The following PGPEP1 variants were observed in gnomAD, a reference collection of about 807,000 sequenced individuals.
PGPEP1 encodes pyroglutamyl-peptidase 1.
A neutral mutation model predicts 24.1 loss-of-function variants in PGPEP1; 15 were observed. That is an observed-to-expected ratio of 0.62 (90% CI 0.42 to 0.96). The LOEUF is 0.96. Among genes scored for constraint, PGPEP1 ranks in the 40% least tolerant of loss-of-function variants. The probability of loss-of-function intolerance (pLI) is 0.00; values close to 1 mark genes in which losing one functional copy is unlikely to be tolerated. For synonymous variants in PGPEP1, 122 were observed against 116.4 expected (o/e 1.05, Z -0.31); for missense variants, 242 against 273.4 (o/e 0.89, Z 0.81).
intron 2 of PGPEP1, among the ~76,000 whole-genome samples, chr19:18,354,752 A>G (rs1197673396): frequency 1.3e-5 from 2 of 152,142 alleles, no homozygotes; most frequent in East Asian, 1.9e-4. Context: ...TCCTGGGTTC[A>G]AGCGATCTTC....
chr19:18,341,258 C>G (rs1042498584), intron 1 of PGPEP1, among the ~76,000 whole-genome samples: 8 of 152,210 alleles, frequency 5.3e-5, no homozygotes, highest in Admixed American at 2.0e-4. Flanking sequence ...GGACCTCGGG[C>G]TCTCCCAGCT....
chr19:18,342,823 C>T lies in PGPEP1; in HGVS notation c.35-36C>T, dbSNP rs772112173. 6.1e-5 allele frequency: 96 copies of T among 1,574,818 alleles called. 1 individual carries two copies. Among genetic ancestry groups the T allele is most frequent in the Middle Eastern group, 1.7e-4 (1 of 5,944 alleles). ...GCCAGGGGCAGACTGGGAAGGGCCA[C>T]TCTTGGGTAATATATTGCTTTTCCT... On this transcript the variant is annotated intron_variant, in intron 1 of 4. Transcript: ENST00000269919.
chr19:18,356,973 G>A (rs1200838948), intron 3 of PGPEP1, among the ~76,000 whole-genome samples: 3 of 149,424 alleles, frequency 2.0e-5, no homozygotes, highest in African/African-American at 7.4e-5. Context: ...AGGAAGGGGA[G>A]GTTGCAGTGA....
chr19:18,353,410 G>A (rs1007152817), intron 2 of PGPEP1, among the ~76,000 whole-genome samples: 2 of 151,704 alleles, frequency 1.3e-5, no homozygotes, highest in African/African-American at 4.8e-5. Context: ...GAGTTTTGCC[G>A]TATTGGCCAG....
chr19:18,340,751 C>T, intron 1 of PGPEP1, 36 bp downstream of exon 1: 2 of 1,424,252 alleles, frequency 1.4e-6, no homozygotes, highest in South Asian at 1.5e-5. Context: ...CGGCAGCGGC[C>T]GGGGGCAGAG....
chr19:18,354,961 C>CTTTTTTTTTTTTTTTTT (rs761843314), intron 2 of PGPEP1, among the ~76,000 whole-genome samples: 1 of 94,716 alleles, frequency 1.1e-5, no homozygotes, highest in Non-Finnish European at 2.0e-5. Context: ...TAAGTCGATA[C>CTTTTTTTTTTTTTTTTT]TTTTTTTTTT....
chr19:18,364,085 T>TGGC lies in PGPEP1; in HGVS notation c.*502_*503insGGC, dbSNP rs1971438499. On this transcript the variant is annotated 3_prime_UTR_variant, in exon 5 of 5. Coordinates refer to ENST00000269919, the MANE Select transcript of PGPEP1 (RefSeq NM_017712.4). ...CCTGGGATATGGCTGGCTGGCTGGC[T>TGGC]TTCTTTCTTTCTTTCTTTCTTTCTT... is the stretch of plus-strand genomic sequence containing the variant. The TGGC allele has an allele frequency of 1.1e-5, 1 of 91,208 alleles. No individual in the cohort carries two copies. Among genetic ancestry groups the TGGC allele is most frequent in the African/African-American group, 3.5e-5 (1 of 28,236 alleles). The allele number at this position is 91,208 out of a possible 1,614,324, so 5.6% of individuals were successfully genotyped here.
chr19:18,347,853 C>T (rs34210970), intron 2 of PGPEP1, among the ~76,000 whole-genome samples: 12,878 of 152,080 alleles, frequency 0.085, 780 homozygotes, highest in Middle Eastern at 0.17. Flanking sequence ...AGGCTGGTCT[C>T]GAACTCCTGA....
rs555381996 is a variant in PGPEP1, at chr19:18,352,046, C to T, written c.88-3849C>T. On this transcript the variant is annotated intron_variant, in intron 2 of 4. Coordinates refer to ENST00000269919, the MANE Select transcript of PGPEP1 (RefSeq NM_017712.4). ...CAGCACTTTGGGAGGCCGAGATGGG[C>T]GGATCACGAGGTCAGGAGATCGAGA... is the stretch of plus-strand genomic sequence containing the variant. 2.6e-5 allele frequency among the ~76,000 whole-genome samples: 4 copies of T among 151,700 alleles called. No homozygotes were observed. In the South Asian group the frequency reaches 6.3e-4, roughly 24 times the overall value.
In PGPEP1 at chr19:18,349,029, G is replaced by T. The variant is rs1282981529; in HGVS notation, c.87+6118G>T. The T allele has an allele frequency of 5.7e-6, 5 of 880,070 alleles. No individual in the cohort carries two copies. In the East Asian group the frequency reaches 4.7e-4, roughly 83 times the overall value. 54.5% of individuals were successfully genotyped at this position (880,070 alleles called of 1,614,324 possible). A position where few individuals can be genotyped will look rare whatever the true frequency, so the allele number is the denominator to read the frequency against. On this transcript the variant is annotated intron_variant, in intron 2 of 4. Coordinates refer to ENST00000269919, the MANE Select transcript of PGPEP1 (RefSeq NM_017712.4). ...CCTTCCACCTCGGCCTCCCAAAGAA[G>T]CTGGGATTATAGGTGTGAGCCACCG...
At chr19:18,353,685 C>T (rs546604289) in intron 2 of PGPEP1, among the ~76,000 whole-genome samples, 56 of 152,152 alleles carry the variant, frequency 3.7e-4, no homozygotes, top group South Asian at 1.4e-3. Flanking sequence ...TCGTCTGCTT[C>T]CTGTCTCTAT....
chr19:18,348,633 T>A (rs1431674736), intron 2 of PGPEP1, among the ~76,000 whole-genome samples: 3 of 152,180 alleles, frequency 2.0e-5, no homozygotes, highest in African/African-American at 7.2e-5. Context: ...AGCCACACAC[T>A]TCCTTCTAGT....
In PGPEP1 at chr19:18,340,630, C is replaced by T; in HGVS notation, c.-52C>T. ...GGCCGAGAGGCTGCAGCGGCAGCAGCTGTCGCGCCAGTCGCAACAGAAGCA... is the reference window on the plus strand; with the variant it reads ...GGCCGAGAGGCTGCAGCGGCAGCAGTTGTCGCGCCAGTCGCAACAGAAGCA... On this transcript the variant is annotated 5_prime_UTR_variant, in exon 1 of 5. Transcript: ENST00000269919. The T allele has an allele frequency of 2.0e-6, 3 of 1,494,074 alleles. No individual in the cohort carries two copies. The highest frequency in any genetic ancestry group is 1.8e-6 in the Non-Finnish European group (2 of 1,121,208). The allele number at this position is 1,494,074 out of a possible 1,614,324, so 92.6% of individuals were successfully genotyped here.
At chr19:18,355,808 A>T (rs1375983297) in intron 2 of PGPEP1, 87 bp from the exon 3 acceptor site, 1 of 807,304 alleles carries the variant, frequency 1.2e-6, no homozygotes, top group Non-Finnish European at 2.2e-6. Flanking sequence ...AGTCTGGAGA[A>T]CGCCTGTTTG....
chr19:18,349,602 T>C (rs1273167550), intron 2 of PGPEP1, among the ~76,000 whole-genome samples: 1 of 152,220 alleles, frequency 6.6e-6, no homozygotes, highest in Non-Finnish European at 1.5e-5. Flanking sequence ...TGTTTTATTT[T>C]ATTGTTTTTG....
In PGPEP1 at chr19:18,357,616, G is replaced by A; in HGVS notation, c.437+1G>A. 6.3e-7 allele frequency: 1 copy of A among 1,594,526 alleles called. No homozygotes were observed. The highest frequency in any genetic ancestry group is 8.5e-7 in the Non-Finnish European group (1 of 1,169,790). ...TGACCATCTCGCAGGATGCCGGCAGGTAGGGCCCTGTGGGGTGGGAGTGAG... is the reference window on the plus strand; with the variant it reads ...TGACCATCTCGCAGGATGCCGGCAGATAGGGCCCTGTGGGGTGGGAGTGAG... On this transcript the variant is annotated splice_donor_variant, in intron 4 of 4. Transcript: ENST00000269919. LOFTEE classifies it high-confidence loss of function.
chr19:18,349,752 G>A (rs1970968241), intron 2 of PGPEP1, among the ~76,000 whole-genome samples: 1 of 152,106 alleles, frequency 6.6e-6, no homozygotes, highest in South Asian at 2.1e-4. Flanking sequence ...GGGTCATGCC[G>A]GGAAATCCCT....
chr19:18,343,241 C>T (rs923807733), intron 2 of PGPEP1, among the ~76,000 whole-genome samples: 1 of 152,054 alleles, frequency 6.6e-6, no homozygotes, highest in Non-Finnish European at 1.5e-5. Flanking sequence ...CTCAAGTAAT[C>T]CTCCTGCCTC....
rs377124919 is a variant in PGPEP1 at position 18,363,402 on chromosome 19, A to G, written c.449A>G (p.Asp150Gly). The change falls in exon 5 of 5, where the codon GAC (aspartate) becomes GGC (glycine). Residue 150 changes from aspartate to glycine, a missense_variant. Transcript: ENST00000269919. ...ISQDAGRYLC[D>G]FTYYTSLYQS... ...GCCCTGCGGCTTAGATATCTCTGCG[A>G]CTTTACCTACTACACCTCTTTGTAC... 3.9e-5 allele frequency: 62 copies of G among 1,608,134 alleles called. No homozygotes were observed. Among genetic ancestry groups the G allele is most frequent in the Non-Finnish European group, 4.8e-5 (56 of 1,175,176 alleles).
Sources: allele counts gnomAD v4.1 joint callset (sites outside exome capture counted in the v4.1 genomes callset), GRCh38; gene constraint gnomAD v4.1.1; transcripts MANE v1.5; gene names NCBI Gene and HGNC (gene_info 2026-07-23, HGNC 2026-07-21).